TM6SF1: variants seen among roughly 807,000 people sequenced by gnomAD.
TM6SF1 encodes the protein transmembrane 6 superfamily member 1.
A neutral mutation model predicts 47.1 loss-of-function variants in TM6SF1; 43 were observed. The ratio of observed to expected loss-of-function variants is 0.91; its 90% CI spans 0.72 to 1.18. TM6SF1 has a LOEUF of 1.18. Among genes scored for constraint, TM6SF1 ranks in the 50% most tolerant of loss-of-function variants. TM6SF1 has a pLI of 0.00. For missense variants in TM6SF1, 390 were observed against 449.0 expected (o/e 0.87, Z 1.19); for synonymous variants, 177 against 166.3 (o/e 1.06, Z -0.49).
At chr15:83,113,184 A>C in intron 2 of TM6SF1, 1 of 481,846 alleles carries the variant, frequency 2.1e-6, no homozygotes, top group Non-Finnish European at 3.8e-6. Context: ...TCTGACCTCG[A>C]CTCTCATGCT....
intron 3 of TM6SF1, among the ~76,000 whole-genome samples, chr15:83,119,082 T>A (rs1306599236): frequency 6.6e-6 from 1 of 152,160 alleles, no homozygotes; most frequent in Non-Finnish European, 1.5e-5. Context: ...AGCTCCGAGT[T>A]CGGTGCCTGC....
Position 83,119,479 on chromosome 15 carries a change from AAGTT to A in TM6SF1, c.295-94_295-91del, listed in dbSNP as rs1468996933. The A allele has an allele frequency of 2.5e-6, 3 of 1,194,516 alleles. No homozygotes were observed. The East Asian group carries it at 7.1e-5, about 28-fold the overall frequency. 74.0% of individuals were successfully genotyped at this position (1,194,516 alleles called of 1,614,324 possible). A position where few individuals can be genotyped will look rare whatever the true frequency, so the allele number is the denominator to read the frequency against. On this transcript the variant is annotated intron_variant, in intron 3 of 9. Coordinates refer to ENST00000322019, the MANE Select transcript of TM6SF1 (RefSeq NM_023003.5). ...TAGTTTCATCTTAGCAGATGAACAC[AAGTT>A]AGTTCTGCTGTTTTATTTTACTTGC... is the stretch of plus-strand genomic sequence containing the variant.
At chr15:83,118,879 A>C (rs1185356968) in intron 3 of TM6SF1, among the ~76,000 whole-genome samples, 1 of 152,188 alleles carries the variant, frequency 6.6e-6, no homozygotes, top group Non-Finnish European at 1.5e-5. Context: ...TTCGTCATAT[A>C]ATCTTGTGTT....
At position 83,109,771 on chromosome 15, in the gene TM6SF1, G is replaced by C. The variant is rs541998586; in HGVS notation, c.92+1999G>C. The stretch of plus-strand genomic sequence containing the variant: ...ACGCACTAGTGCTCCTGCCGCACCA[G>C]CCTGCCTTTGCTCCTTGACCATTCC... On this transcript the variant is annotated intron_variant, in intron 1 of 9. Transcript: ENST00000322019. Among the ~76,000 whole-genome samples the C allele has an allele frequency of 1.4e-4, 21 of 152,274 alleles. 1 individual carries two copies. The South Asian group carries it at 4.4e-3, about 32-fold the overall frequency.
intron 1 of TM6SF1, chr15:83,111,733 G>T: frequency 4.1e-6 from 4 of 966,996 alleles, no homozygotes; most frequent in Non-Finnish European, 4.9e-6. Context: ...AGAATTGGAA[G>T]CCCTGTCAGT....
chr15:83,126,820 G>A lies in TM6SF1; in HGVS notation c.774G>A (p.Lys258=). The A allele has an allele frequency of 6.2e-7, 1 of 1,613,820 alleles. No homozygotes were observed. Among genetic ancestry groups the A allele is most frequent in the Non-Finnish European group, 8.5e-7 (1 of 1,179,836 alleles). Residue 258 remains lysine, a synonymous_variant, in exon 8 of 10, where the codon AAG becomes AAA. Transcript: ENST00000322019. ...CGCAATTTCAAGAGCCCTATCTAAA[G>A]GATCCTGCTGCTTATCCTAAAATTC... ...LYTQFQEPYL[K]DPAAYPKIQM...
At chr15:83,115,631 T>C (rs1462492278) in intron 2 of TM6SF1, 2 of 677,010 alleles carry the variant, frequency 3.0e-6, no homozygotes, top group Admixed American at 2.0e-5. Context: ...GTTCCCTTGA[T>C]GAGAGTACTT....
At chr15:83,112,573 G>A (rs1431996099) in intron 1 of TM6SF1, among the ~76,000 whole-genome samples, 2 of 152,154 alleles carry the variant, frequency 1.3e-5, no homozygotes. Context: ...AGAATGAGGA[G>A]GACCTGATGG....
intron 3 of TM6SF1, among the ~76,000 whole-genome samples, chr15:83,116,156 C>T (rs1478577346): frequency 2.6e-5 from 4 of 152,222 alleles, no homozygotes; most frequent in Admixed American, 6.5e-5. Flanking sequence ...ATTCAGCTCT[C>T]ACGGCTTCTC....
rs183198676 is a variant in TM6SF1, at chr15:83,110,904, T to C, written c.93-1893T>C. On this transcript the variant is annotated intron_variant, in intron 1 of 9. Coordinates refer to ENST00000322019, the MANE Select transcript of TM6SF1 (RefSeq NM_023003.5). ...ATTATTTTTTGAGACGGACTCTTGC[T>C]CTGTCATCCAAGCGGGACTGCAGTG... Among the ~76,000 whole-genome samples the C allele has an allele frequency of 2.7e-3, 408 of 152,316 alleles. 6 individuals are homozygous for C. The highest frequency in any genetic ancestry group is 0.017 in the Middle Eastern group (5 of 294).
Position 83,107,648 on chromosome 15 carries a change from A to C in TM6SF1, c.-33A>C. The C allele has an allele frequency of 3.4e-6, 5 of 1,483,376 alleles. No homozygotes were observed. The highest frequency in any genetic ancestry group is 3.6e-6 in the Non-Finnish European group (4 of 1,114,088). 91.9% of individuals were successfully genotyped at this position (1,483,376 alleles called of 1,614,324 possible). A position where few individuals can be genotyped will look rare whatever the true frequency, so the allele number is the denominator to read the frequency against. On this transcript the variant is annotated 5_prime_UTR_variant, in exon 1 of 10. An upstream start codon of the reference 5' UTR is lost. Coordinates refer to ENST00000322019, the MANE Select transcript of TM6SF1 (RefSeq NM_023003.5). This position sits in a 1 kb window ranked among gnomAD's most constrained non-coding sequence, Gnocchi z 5.6. ...AAGCTGGGGCGGGGCGCCCAGCGGGATGCGGTGAAGGGCGAGCGGCGCGGC... is the reference window on the plus strand; with the variant it reads ...AAGCTGGGGCGGGGCGCCCAGCGGGCTGCGGTGAAGGGCGAGCGGCGCGGC...
chr15:83,124,366 G>A (rs1295548937), intron 6 of TM6SF1, among the ~76,000 whole-genome samples: 1 of 152,090 alleles, frequency 6.6e-6, no homozygotes. Flanking sequence ...ATAGTGGTGT[G>A]GCAGGTTTAT....
At chr15:83,131,173 T>C (rs2036216123) in intron 9 of TM6SF1, 1 of 152,132 alleles carries the variant, frequency 6.6e-6, no homozygotes, top group African/African-American at 2.4e-5. Context: ...TTGCTAAAAT[T>C]GCCATTCTTA....
intron 1 of TM6SF1, among the ~76,000 whole-genome samples, chr15:83,108,331 G>A (rs760037998): frequency 2.0e-5 from 3 of 152,096 alleles, no homozygotes; most frequent in African/African-American, 7.2e-5. Context: ...TGGCACTGAC[G>A]GTGTGGTCTG....
intron 1 of TM6SF1, among the ~76,000 whole-genome samples, chr15:83,110,558 C>T (rs926640591): frequency 3.9e-5 from 6 of 152,182 alleles, no homozygotes; most frequent in Middle Eastern, 3.2e-3. Flanking sequence ...ACCAACCACG[C>T]GATCCTGCTG....
At chr15:83,112,232 T>A (rs2034256734) in intron 1 of TM6SF1, among the ~76,000 whole-genome samples, 1 of 152,184 alleles carries the variant, frequency 6.6e-6, no homozygotes, top group South Asian at 2.1e-4. Flanking sequence ...CATTCTGGCC[T>A]CAGGTCTAGT....
chr15:83,121,461 G>A (rs2035237224), intron 4 of TM6SF1, among the ~76,000 whole-genome samples: 1 of 152,168 alleles, frequency 6.6e-6, no homozygotes, highest in Non-Finnish European at 1.5e-5. Context: ...CATGTCACTT[G>A]TCTTCACCTT....
chr15:83,119,910 G>C, intron 4 of TM6SF1: 1 of 457,582 alleles, frequency 2.2e-6, no homozygotes, highest in East Asian at 3.4e-5. Context: ...GACCCTTTAA[G>C]CTTTCTGATT....
At chr15:83,123,236 G>A (rs1486961563) in intron 6 of TM6SF1, among the ~76,000 whole-genome samples, 2 of 152,112 alleles carry the variant, frequency 1.3e-5, no homozygotes, top group African/African-American at 4.8e-5. Flanking sequence ...GGGTTCCTCT[G>A]TGACACCTAT....
Sources: allele counts gnomAD v4.1 joint callset (sites outside exome capture counted in the v4.1 genomes callset), GRCh38; gene constraint gnomAD v4.1.1; non-coding constraint Gnocchi (gnomAD v3.1); transcripts MANE v1.5; gene names NCBI Gene and HGNC (gene_info 2026-07-23, HGNC 2026-07-21).